MRPS31: variants seen among roughly 807,000 people sequenced by gnomAD.
The protein encoded by MRPS31 is small ribosomal subunit protein mS31.
MRPS31 carries 32 observed loss-of-function variants against 43.1 expected under a neutral mutation model. The ratio of observed to expected loss-of-function variants is 0.74; its 90% confidence interval spans 0.56 to 1.00. MRPS31 has a LOEUF of 1.00. Ranked by LOEUF, MRPS31 falls within the 50% of genes least tolerant of loss-of-function variation. The pLI is 0.00. For missense variants in MRPS31, 437 were observed against 466.7 expected (o/e 0.94, Z 0.59); for synonymous variants, 165 against 161.6 (o/e 1.02, Z -0.16).
At chr13:40,736,352 A>G (rs1879907228) in intron 6 of MRPS31, among the ~76,000 whole-genome samples, 1 of 151,730 alleles carries the variant, frequency 6.6e-6, no homozygotes, top group Non-Finnish European at 1.5e-5. Context: ...GTTGGAAAAC[A>G]CTCTGCAGGA....
Position 40,759,652 on chromosome 13 carries a change from A to G in MRPS31, c.441-546T>C, listed in dbSNP as rs988097919. 5.9e-5 allele frequency among the ~76,000 whole-genome samples: 9 copies of G among 152,322 alleles called. No individual in the cohort carries two copies. In the East Asian group the frequency reaches 1.7e-3, roughly 29 times the overall value. On this transcript the variant is annotated intron_variant, in intron 2 of 6. Transcript: ENST00000323563. Reference sequence around the variant, plus strand: ...AAATGTTAAATGTTAAAATTAATGGATATTTGCTGAAGCACAACACTAACT... The same window carrying G: ...AAATGTTAAATGTTAAAATTAATGGGTATTTGCTGAAGCACAACACTAACT...
chr13:40,751,650 C>T (rs771104983), intron 5 of MRPS31, among the ~76,000 whole-genome samples: 4 of 152,164 alleles, frequency 2.6e-5, no homozygotes, highest in Non-Finnish European at 4.4e-5. Context: ...TACTGAATGC[C>T]AACTGTATTT....
intron 3 of MRPS31, among the ~76,000 whole-genome samples, chr13:40,757,430 C>T (rs1195884121): frequency 2.1e-5 from 3 of 143,946 alleles, no homozygotes; most frequent in African/African-American, 2.6e-5. Context: ...GTCCAGATAT[C>T]TATGTCTTCC....
intron 2 of MRPS31, among the ~76,000 whole-genome samples, chr13:40,765,829 C>T (rs1407265153): frequency 1.3e-5 from 2 of 152,140 alleles, no homozygotes; most frequent in African/African-American, 4.8e-5. Context: ...CATTACATAG[C>T]ACTAAAAAAA....
chr13:40,730,070 G>C (rs1879634662), intron 6 of MRPS31, among the ~76,000 whole-genome samples: 1 of 151,960 alleles, frequency 6.6e-6, no homozygotes, highest in South Asian at 2.1e-4. Context: ...TAACAACAGT[G>C]ACTTTGGACT....
At chr13:40,734,878 G>T (rs938767196) in intron 6 of MRPS31, among the ~76,000 whole-genome samples, 2 of 152,150 alleles carry the variant, frequency 1.3e-5, no homozygotes. Context: ...TCTGGGTGAC[G>T]GAGTGAGACC....
At chr13:40,733,519 G>A (rs1302407912) in intron 6 of MRPS31, among the ~76,000 whole-genome samples, 1 of 152,170 alleles carries the variant, frequency 6.6e-6, no homozygotes, top group Non-Finnish European at 1.5e-5. Context: ...AACAATGATT[G>A]TAAACAAAAT....
At chr13:40,755,878 A>C (rs185039718) in intron 4 of MRPS31, among the ~76,000 whole-genome samples, 30 of 152,332 alleles carry the variant, frequency 2.0e-4, no homozygotes, top group African/African-American at 7.2e-4. Context: ...GATTCAGTTA[A>C]ATATTCTCGA....
chr13:40,735,597 C>T (rs1879871936), intron 6 of MRPS31, among the ~76,000 whole-genome samples: 2 of 152,082 alleles, frequency 1.3e-5, no homozygotes, highest in African/African-American at 4.8e-5. Context: ...AACGGGCAGA[C>T]TGCCTCCTCA....
chr13:40,764,369 T>A (rs893126447), intron 2 of MRPS31, among the ~76,000 whole-genome samples: 3 of 152,124 alleles, frequency 2.0e-5, no homozygotes, highest in South Asian at 2.1e-4. Flanking sequence ...TATTTTTTTT[T>A]AATATTTTCA....
At position 40,747,146 on chromosome 13, in the gene MRPS31, T is replaced by C. The variant is rs1345830399; in HGVS notation, c.958+1992A>G. 4.6e-5 allele frequency among the ~76,000 whole-genome samples: 7 copies of C among 152,168 alleles called. No individual in the cohort carries two copies. In the East Asian group the frequency reaches 1.4e-3, roughly 29 times the overall value. ...CAGGCTGGAGTGCTGTGGCACGATC[T>C]TGGCTCACTGCAACCTCTACCTCCT... On this transcript the variant is annotated intron_variant, in intron 6 of 6. Transcript: ENST00000323563.
chr13:40,762,106 T>C (rs1048302655), intron 2 of MRPS31, among the ~76,000 whole-genome samples: 1 of 148,142 alleles, frequency 6.8e-6, no homozygotes, highest in Non-Finnish European at 1.5e-5. Context: ...ACTAGCCAGA[T>C]GTGATGGTGC....
At chr13:40,768,426 A>T (rs1391376443) in intron 1 of MRPS31, among the ~76,000 whole-genome samples, 1 of 144,104 alleles carries the variant, frequency 6.9e-6, no homozygotes, top group Non-Finnish European at 1.5e-5. Context: ...GGAAGTCTTT[A>T]ATATGCATAA....
At chr13:40,757,071 C>G in intron 3 of MRPS31, 58 bp from the exon 4 acceptor site, 1 of 1,326,832 alleles carries the variant, frequency 7.5e-7, no homozygotes, top group Non-Finnish European at 1.0e-6. Flanking sequence ...CAGTAATAAA[C>G]TTCCTTTAAC....
chr13:40,746,599 T>C (rs1172341004), intron 6 of MRPS31, among the ~76,000 whole-genome samples: 1 of 152,160 alleles, frequency 6.6e-6, no homozygotes, highest in African/African-American at 2.4e-5. Flanking sequence ...ATAAATTCCG[T>C]TGGAATTTGA....
rs755781376 is a variant in MRPS31, at chr13:40,756,927, T to C, written c.686A>G (p.Asp229Gly). Residue 229 changes from aspartate (D) to glycine (G), a missense_variant, in exon 4 of 7, where the codon GAT becomes GGT. By Grantham distance (94) the Asp-to-Gly change is moderately conservative. Coordinates refer to ENST00000323563, the MANE Select transcript of MRPS31 (RefSeq NM_005830.4). Reference protein sequence around the residue: ...RSRPELRIQFDEGYDNYPGQE... With the variant: ...RSRPELRIQFGEGYDNYPGQE... ...GCCAGGATAATTGTCATAGCCTTCA[T>C]CAAACTGAATCCGAAGCTCTGGTCT... is the stretch of plus-strand genomic sequence containing the variant. 2.5e-6 allele frequency: 4 copies of C among 1,613,924 alleles called. No homozygotes were observed. The highest frequency in any genetic ancestry group is 2.5e-6 in the Non-Finnish European group (3 of 1,179,998).
At chr13:40,768,434 TA>T (rs201846138) in intron 1 of MRPS31, among the ~76,000 whole-genome samples, 11 of 141,930 alleles carry the variant, frequency 7.8e-5, no homozygotes, top group African/African-American at 2.1e-4. Flanking sequence ...TTAATATGCA[TA>T]AAAATTTTTT....
intron 6 of MRPS31, among the ~76,000 whole-genome samples, chr13:40,747,420 A>G (rs1328140177): frequency 6.6e-6 from 1 of 152,166 alleles, no homozygotes; most frequent in Non-Finnish European, 1.5e-5. Context: ...CTCAAAGGCA[A>G]ATGGCTAAAA....
intron 5 of MRPS31, among the ~76,000 whole-genome samples, chr13:40,750,044 T>C (rs1406144141): frequency 6.6e-6 from 1 of 152,150 alleles, no homozygotes; most frequent in Non-Finnish European, 1.5e-5. Flanking sequence ...TACATGTCCA[T>C]ACAAAGACTT....
Sources: gnomAD v4.1 joint callset for allele counts (sites outside exome capture counted in the v4.1 genomes callset) on GRCh38, gnomAD v4.1.1 for gene constraint, MANE v1.5 for transcripts, NCBI Gene and HGNC (gene_info 2026-07-23, HGNC 2026-07-21) for gene names.